The following DCP2 variants were observed in gnomAD, a reference collection of about 807,000 sequenced individuals.
The protein encoded by DCP2 is decapping mRNA 2, also known as m7GpppN-mRNA hydrolase.
Under a neutral mutation model 56.1 loss-of-function variants are expected in DCP2, and 30 were observed. The observed-to-expected ratio is 0.53, with a 90% CI of 0.40 to 0.73. The LOEUF (loss-of-function observed/expected upper bound fraction) is 0.73, where lower values mean the gene tolerates loss of function less well. Among genes scored for constraint, DCP2 ranks in the 30% least tolerant of loss-of-function variants. The pLI, the probability that DCP2 is intolerant of heterozygous loss-of-function variation, is 0.00. For synonymous variants in DCP2, 197 were observed against 163.3 expected (o/e 1.21, Z -1.57); for missense variants, 533 against 502.7 (o/e 1.06, Z -0.58).
In DCP2 at chr5:113,018,615, G is replaced by C. The variant is rs1561712725; in HGVS notation, c.*5131G>C. 6.6e-6 allele frequency: 1 copy of C among 152,232 alleles called. No homozygotes were observed. Among genetic ancestry groups the C allele is most frequent in the Non-Finnish European group, 1.5e-5 (1 of 68,064 alleles). The allele number at this position is 152,232 out of a possible 1,614,324, so 9.4% of individuals were successfully genotyped here. ...AGTAGAAGACAATGGCCCTGAATAT[G>C]TGTTTTCTGCTTTTTGGTGGAAGGT... On this transcript the variant is annotated 3_prime_UTR_variant, in exon 11 of 11. Coordinates refer to ENST00000389063, the MANE Select transcript of DCP2 (RefSeq NM_152624.6).
chr5:112,985,836 C>A lies in DCP2; in HGVS notation c.55C>A (p.Arg19=), dbSNP rs1400871005. 6.3e-7 allele frequency: 1 copy of A among 1,592,762 alleles called. No homozygotes were observed. Among genetic ancestry groups the A allele is most frequent in the Non-Finnish European group, 8.6e-7 (1 of 1,162,308 alleles). ...TTGTATGTGTTTTGTTTTTGACAGCCGATTTATTTTGCATATTCCCAGCGA... is the reference window on the plus strand; with the variant it reads ...TTGTATGTGTTTTGTTTTTGACAGCAGATTTATTTTGCATATTCCCAGCGA... ...PGSVLDDLCS[R]FILHIPSEER... Residue 19 remains arginine (R), a splice_region_variant and synonymous_variant, in exon 2 of 11, where the codon CGA becomes AGA. Transcript: ENST00000389063.
intron 1 of DCP2, among the ~76,000 whole-genome samples, chr5:112,982,213 T>A (rs896240197): frequency 6.6e-6 from 1 of 152,214 alleles, no homozygotes; most frequent in Non-Finnish European, 1.5e-5. Flanking sequence ...TTCTAGCTGC[T>A]TTTTTCAACC....
rs1266092774 is a variant in DCP2, at chr5:113,014,652, C to A, written c.*1168C>A. 1 of 152,578 alleles carries A rather than the reference C, an allele frequency of 6.6e-6. No homozygotes were observed. The highest frequency in any genetic ancestry group is 2.4e-5 in the African/African-American group (1 of 41,434). 9.5% of individuals were successfully genotyped at this position (152,578 alleles called of 1,614,324 possible). A position where few individuals can be genotyped will look rare whatever the true frequency, so the allele number is the denominator to read the frequency against. On this transcript the variant is annotated 3_prime_UTR_variant, in exon 11 of 11. Transcript: ENST00000389063. ...GCAGTGCCCATTTTAAGGAGGATTTCAGCTATAACTGAGGACAATCACCAG... is the reference window on the plus strand; with the variant it reads ...GCAGTGCCCATTTTAAGGAGGATTTAAGCTATAACTGAGGACAATCACCAG...
In DCP2 at chr5:112,992,249, G is replaced by A; in HGVS notation, c.333+1G>A. ...TATTCTTGATGAGACACTTGAAAAT[G>A]TGAGTGTAATGAAATAAAGATTTTT... On this transcript the variant is annotated splice_donor_variant, in intron 3 of 10. Transcript: ENST00000389063. LOFTEE classifies it high-confidence loss of function. 1 of 1,609,644 alleles carries A rather than the reference G, an allele frequency of 6.2e-7. No homozygotes were observed. Among genetic ancestry groups the A allele is most frequent in the Non-Finnish European group, 8.5e-7 (1 of 1,178,796 alleles).
At chr5:112,990,153 G>A (rs1487989147) in intron 2 of DCP2, among the ~76,000 whole-genome samples, 2 of 152,118 alleles carry the variant, frequency 1.3e-5, no homozygotes, top group African/African-American at 2.4e-5. Flanking sequence ...TCTGTTATGG[G>A]CCAGTTGAGT....
rs1376308195 is a variant in DCP2, at chr5:113,018,298, T to G, written c.*4814T>G. 6.6e-6 allele frequency: 1 copy of G among 152,194 alleles called. No individual in the cohort carries two copies. Among genetic ancestry groups the G allele is most frequent in the African/African-American group, 2.4e-5 (1 of 41,444 alleles). 9.4% of individuals were successfully genotyped at this position (152,194 alleles called of 1,614,324 possible). A position where few individuals can be genotyped will look rare whatever the true frequency, so the allele number is the denominator to read the frequency against. ...AAACTATGATAAAGTATGGAGGTCT[T>G]GAGAATTGTTCATAATGAAATCTTT... On this transcript the variant is annotated 3_prime_UTR_variant, in exon 11 of 11. Coordinates refer to ENST00000389063, the MANE Select transcript of DCP2 (RefSeq NM_152624.6).
intron 4 of DCP2, among the ~76,000 whole-genome samples, chr5:113,000,216 C>T (rs1749090561): frequency 6.6e-6 from 1 of 152,100 alleles, no homozygotes; most frequent in Admixed American, 6.6e-5. Context: ...CTTTGGCCTC[C>T]CAAAGTACTG....
chr5:113,003,185 G>C (rs1038619119), intron 7 of DCP2, among the ~76,000 whole-genome samples: 2 of 151,948 alleles, frequency 1.3e-5, no homozygotes, highest in Non-Finnish European at 1.5e-5. Flanking sequence ...GACCTTGAGT[G>C]ATCTACCCTC....
intron 4 of DCP2, among the ~76,000 whole-genome samples, chr5:112,996,376 A>C (rs1384781946): frequency 6.6e-6 from 1 of 152,186 alleles, no homozygotes; most frequent in African/African-American, 2.4e-5. Context: ...TTTTCTAGCT[A>C]CTGATTAGAC....
chr5:113,020,630 A>G lies in DCP2; in HGVS notation c.*7146A>G, dbSNP rs1159649461. 5.3e-5 allele frequency: 8 copies of G among 152,198 alleles called. No individual in the cohort carries two copies. Among genetic ancestry groups the G allele is most frequent in the Admixed American group, 1.3e-4 (2 of 15,284 alleles). The allele number at this position is 152,198 out of a possible 1,614,324, so 9.4% of individuals were successfully genotyped here. On this transcript the variant is annotated 3_prime_UTR_variant, in exon 11 of 11. Coordinates refer to ENST00000389063, the MANE Select transcript of DCP2 (RefSeq NM_152624.6). Reference sequence around the variant, plus strand: ...ACTACCTGTATTGTTGGGTATGACTATCAAAGGATTTCCGGTGATTCATGT... The same window carrying G: ...ACTACCTGTATTGTTGGGTATGACTGTCAAAGGATTTCCGGTGATTCATGT...
chr5:112,996,580 A>T (rs1044946777), intron 4 of DCP2, among the ~76,000 whole-genome samples: 1 of 152,216 alleles, frequency 6.6e-6, no homozygotes, highest in Non-Finnish European at 1.5e-5. Context: ...ACTGTAGCAG[A>T]ATTTGACACA....
chr5:112,982,478 TTTC>T (rs760892092), intron 1 of DCP2, among the ~76,000 whole-genome samples: 16 of 152,226 alleles, frequency 1.1e-4, no homozygotes, highest in Non-Finnish European at 1.6e-4. Context: ...TTTAAGTTAA[TTTC>T]TTTGAGGGGG....
intron 4 of DCP2, among the ~76,000 whole-genome samples, chr5:113,000,007 G>A (rs1045875898): frequency 1.2e-4 from 17 of 139,970 alleles, no homozygotes; most frequent in Non-Finnish European, 1.5e-5. Flanking sequence ...GTTGCACTGA[G>A]CCAGGAGCCC....
intron 1 of DCP2, among the ~76,000 whole-genome samples, chr5:112,985,293 A>G (rs375754021): frequency 1.6e-4 from 25 of 152,176 alleles, no homozygotes; most frequent in Admixed American, 3.9e-4. Context: ...CCTTTCCCCA[A>G]TGTACATGGA....
chr5:113,005,151 G>GTGTGTGTGTGTGTGT (rs1749361092), intron 8 of DCP2, among the ~76,000 whole-genome samples: 416 of 149,520 alleles, frequency 2.8e-3, no homozygotes, highest in Non-Finnish European at 4.4e-3. Context: ...TGTGCGTGTG[G>GTGTGTGTGTGTGTGT]GTGTGTGTGT....
At chr5:112,978,716 G>A (rs2150164562) in intron 1 of DCP2, among the ~76,000 whole-genome samples, 1 of 151,278 alleles carries the variant, frequency 6.6e-6, no homozygotes, top group Middle Eastern at 3.4e-3. Flanking sequence ...AACTGAATTT[G>A]ATATGTGTAT....
At chr5:113,013,280 A>G in intron 10 of DCP2, 41 bp from the exon 11 acceptor site, 1 of 1,571,258 alleles carries the variant, frequency 6.4e-7, no homozygotes, top group East Asian at 2.3e-5. Flanking sequence ...ATTTCTTACT[A>G]AGGTTACTGA....
At chr5:112,993,645 A>C (rs976392822) in intron 4 of DCP2, among the ~76,000 whole-genome samples, 2 of 120,724 alleles carry the variant, frequency 1.7e-5, no homozygotes, top group Admixed American at 1.9e-4. Context: ...AAAAACCAAA[A>C]AAAAAAAACC....
Position 113,022,035 on chromosome 5 carries a change from T to G in DCP2, c.*8551T>G, listed in dbSNP as rs1435355592. The G allele has an allele frequency of 6.6e-6, 1 of 152,258 alleles. No homozygotes were observed. The highest frequency in any genetic ancestry group is 1.5e-5 in the Non-Finnish European group (1 of 68,036). The allele number at this position is 152,258 out of a possible 1,614,324, so 9.4% of individuals were successfully genotyped here. On this transcript the variant is annotated 3_prime_UTR_variant, in exon 11 of 11. Transcript: ENST00000389063. Reference sequence around the variant, plus strand: ...ATGTAAGCATCATGGATTTGATATTTGCCTGCATGTATATCACAGTTCTAC... The same window carrying G: ...ATGTAAGCATCATGGATTTGATATTGGCCTGCATGTATATCACAGTTCTAC...
Sources: allele counts gnomAD v4.1 joint callset (sites outside exome capture counted in the v4.1 genomes callset), GRCh38; gene constraint gnomAD v4.1.1; transcripts MANE v1.5; gene names NCBI Gene and HGNC (gene_info 2026-07-23, HGNC 2026-07-21).